Variants in ZFHX4 observed in about 807,000 individuals in gnomAD.
ZFHX4 encodes the protein zinc finger homeobox protein 4.
A neutral mutation model predicts 267.6 loss-of-function variants in ZFHX4; 56 were observed. That is an observed-to-expected ratio of 0.21 (90% CI 0.17 to 0.26). The LOEUF is 0.26. Ranked by LOEUF, ZFHX4 falls within the 10% of genes least tolerant of loss-of-function variation. The pLI, the probability that ZFHX4 is intolerant of heterozygous loss-of-function variation, is 1.00. For missense variants in ZFHX4, 4,332 were observed against 4,420.0 expected (o/e 0.98, Z 0.56); for synonymous variants, 1,778 against 1,665.6 (o/e 1.07, Z -1.64).
chr8:76,834,730 G>A (rs1477922233), intron 5 of ZFHX4, among the ~76,000 whole-genome samples: 2 of 151,956 alleles, frequency 1.3e-5, no homozygotes, highest in East Asian at 3.9e-4. Context: ...CTTTCAAAGA[G>A]CAAAAATTTT....
intron 3 of ZFHX4, among the ~76,000 whole-genome samples, chr8:76,776,274 A>G (rs1384791196): frequency 1.4e-5 from 2 of 143,202 alleles, no homozygotes; most frequent in Non-Finnish European, 3.2e-5. Context: ...TTTACATGAG[A>G]AAAAAAAAGG....
chr8:76,768,326 G>T (rs1810143055), intron 3 of ZFHX4, among the ~76,000 whole-genome samples: 1 of 152,148 alleles, frequency 6.6e-6, no homozygotes, highest in Non-Finnish European at 1.5e-5. Flanking sequence ...AATTGCAGGA[G>T]TGGCATAATA....
rs562345748 is a variant in ZFHX4 at position 76,736,150 on chromosome 8, T to A, written c.3093+28102T>A. On this transcript the variant is annotated intron_variant, in intron 3 of 10. Transcript: ENST00000651372. ...ATCCTTTAGGGCTTAGAACATAATT[T>A]AAAAAAAAAAACTGACTTTAACCTA... Among the ~76,000 whole-genome samples the A allele has an allele frequency of 3.1e-4, 45 of 146,712 alleles. No homozygotes were observed. The South Asian group carries it at 5.3e-3, about 17-fold the overall frequency.
chr8:76,854,798 T>G lies in ZFHX4; in HGVS notation c.7877T>G (p.Leu2626Arg), dbSNP rs1187404122. Reference protein sequence around the residue: ...QLEILYEKYLLDSNPTRKMLD... With the variant: ...QLEILYEKYLRDSNPTRKMLD... ...GAAATACTCTATGAAAAATACTTGC[T>G]GGATTCCAATCCTACCAGAAAAATG... The change falls in exon 10 of 11, where the codon CTG (leucine) becomes CGG (arginine). Residue 2626 changes from leucine to arginine, a missense_variant. This residue lies in a region of ZFHX4 where 1,648 missense variants were observed against 1,625.0 expected (regional missense o/e 1.01). Transcript: ENST00000651372. The G allele has an allele frequency of 6.2e-7, 1 of 1,611,096 alleles. No individual in the cohort carries two copies. The highest frequency in any genetic ancestry group is 1.7e-5 in the Admixed American group (1 of 59,412).
At chr8:76,830,365 CA>C (rs1196058045) in intron 4 of ZFHX4, among the ~76,000 whole-genome samples, 2 of 152,122 alleles carry the variant, frequency 1.3e-5, no homozygotes, top group African/African-American at 2.4e-5. Flanking sequence ...CAACGAAGGT[CA>C]GGGGCTGGAG....
chr8:76,812,033 G>C (rs1811391918), intron 4 of ZFHX4, among the ~76,000 whole-genome samples: 1 of 152,186 alleles, frequency 6.6e-6, no homozygotes, highest in South Asian at 2.1e-4. Context: ...CTTTAAAATA[G>C]TTTAATTTTA....
At chr8:76,837,571 G>C (rs1450746920) in intron 5 of ZFHX4, among the ~76,000 whole-genome samples, 1 of 151,384 alleles carries the variant, frequency 6.6e-6, no homozygotes, top group Admixed American at 6.6e-5. Flanking sequence ...GGGAAATAGG[G>C]GCTGGGGTAG....
chr8:76,780,117 G>T (rs917764192), intron 4 of ZFHX4, among the ~76,000 whole-genome samples: 1 of 151,562 alleles, frequency 6.6e-6, no homozygotes, highest in Non-Finnish European at 1.5e-5. Flanking sequence ...TTTTACCAGT[G>T]ACTATAAAAT....
intron 10 of ZFHX4, among the ~76,000 whole-genome samples, chr8:76,862,192 G>T (rs1361583506): frequency 6.6e-6 from 1 of 152,112 alleles, no homozygotes; most frequent in African/African-American, 2.4e-5. Context: ...ACATTATACT[G>T]GGTACTTGAA....
At chr8:76,773,224 A>T (rs1016857712) in intron 3 of ZFHX4, among the ~76,000 whole-genome samples, 1 of 152,126 alleles carries the variant, frequency 6.6e-6, no homozygotes, top group Non-Finnish European at 1.5e-5. Context: ...TCTAGAAAAA[A>T]TTTAATATAG....
At chr8:76,815,323 C>A (rs181383311) in intron 4 of ZFHX4, among the ~76,000 whole-genome samples, 1 of 152,188 alleles carries the variant, frequency 6.6e-6, no homozygotes, top group East Asian at 1.9e-4. Context: ...CCATACAATG[C>A]GTAGCTTATA....
chr8:76,754,716 C>T (rs945391453), intron 3 of ZFHX4, among the ~76,000 whole-genome samples: 1 of 152,268 alleles, frequency 6.6e-6, no homozygotes, highest in African/African-American at 2.4e-5. Flanking sequence ...TCAAAATCCT[C>T]TCTTCTAGCT....
rs372556648 is a variant in ZFHX4 at position 76,851,511 on chromosome 8, G to T, written c.4590G>T (p.Thr1530=). 3.1e-6 allele frequency: 5 copies of T among 1,613,868 alleles called. No individual in the cohort carries two copies. Among genetic ancestry groups the T allele is most frequent in the Non-Finnish European group, 4.2e-6 (5 of 1,179,836 alleles). ...CTTTTAGAAAAGGGCCCAATTTTAC[G>T]ATGGAAAAATTCCTTGATCCATCTC... is the stretch of plus-strand genomic sequence containing the variant. ...TLPFRKGPNF[T]MEKFLDPSRP... Residue 1530 remains threonine (T), a synonymous_variant, in exon 10 of 11, where the codon ACG becomes ACT. Coordinates refer to ENST00000651372, the MANE Select transcript of ZFHX4 (RefSeq NM_024721.5).
At position 76,854,501 on chromosome 8, in the gene ZFHX4, C is replaced by A. The variant is rs773883755; in HGVS notation, c.7580C>A (p.Pro2527Gln). 6.2e-7 allele frequency: 1 copy of A among 1,613,842 alleles called. No homozygotes were observed. Among genetic ancestry groups the A allele is most frequent in the Non-Finnish European group, 8.5e-7 (1 of 1,179,866 alleles). Residue 2527 changes from proline (P) to glutamine (Q), a missense_variant, in exon 10 of 11, where the codon CCG becomes CAG. Around this residue, in one of 7 missense-constraint regions of ZFHX4, gnomAD observed 1,648 missense variants for 1,625.0 expected, o/e 1.01. Coordinates refer to ENST00000651372, the MANE Select transcript of ZFHX4 (RefSeq NM_024721.5). ...GCTCAAAACCAATTCCTTCACTCTC[C>A]GTTCTTGGAAAGGCCCATGGACATG... Reference protein sequence around the residue: ...LAAQNQFLHSPFLERPMDMPY... With the variant: ...LAAQNQFLHSQFLERPMDMPY...
chr8:76,720,326 G>C (rs369761083), intron 3 of ZFHX4, among the ~76,000 whole-genome samples: 4 of 152,132 alleles, frequency 2.6e-5, no homozygotes, highest in African/African-American at 9.7e-5. Context: ...AGGTTCATCT[G>C]TGCAGTAGCA....
At chr8:76,739,302 C>G (rs900282619) in intron 3 of ZFHX4, among the ~76,000 whole-genome samples, 1 of 152,026 alleles carries the variant, frequency 6.6e-6, no homozygotes, top group Non-Finnish European at 1.5e-5. Context: ...TATTTTTTGT[C>G]CCTTTCTATT....
intron 10 of ZFHX4, among the ~76,000 whole-genome samples, chr8:76,861,340 A>G (rs537152191): frequency 6.6e-6 from 1 of 152,164 alleles, no homozygotes; most frequent in Non-Finnish European, 1.5e-5. Flanking sequence ...AGTCTCCTCT[A>G]GCTCATCTGC....
In ZFHX4 at chr8:76,853,574, A is replaced by G. The variant is rs752656974; in HGVS notation, c.6653A>G (p.Tyr2218Cys). The G allele has an allele frequency of 6.2e-7, 1 of 1,613,872 alleles. No individual in the cohort carries two copies. The highest frequency in any genetic ancestry group is 8.5e-7 in the Non-Finnish European group (1 of 1,179,844). The part of the protein sequence containing the change: ...IDPQPTSLEH[Y>C]KSDASFSKRS... ...CCACAGCCCACCTCTTTAGAACATT[A>G]CAAATCTGATGCATCATTCAGTAAA... Residue 2218 changes from tyrosine (Y) to cysteine (C), a missense_variant, in exon 10 of 11, where the codon TAC becomes TGC. Physicochemically the swap from Tyr to Cys is radical, Grantham distance 194 (BLOSUM62 -2). Transcript: ENST00000651372.
intron 4 of ZFHX4, among the ~76,000 whole-genome samples, chr8:76,795,113 T>G (rs1810942848): frequency 6.6e-6 from 1 of 152,174 alleles, no homozygotes; most frequent in Admixed American, 6.6e-5. Flanking sequence ...TCATTCCTTC[T>G]TCATTGTAAT....
Sources: allele counts gnomAD v4.1 joint callset (sites outside exome capture counted in the v4.1 genomes callset), GRCh38; gene constraint gnomAD v4.1.1; regional missense constraint gnomAD v4.1.1; transcripts MANE v1.5; gene names NCBI Gene and HGNC (gene_info 2026-07-23, HGNC 2026-07-21).